IL13RA1: variants seen among roughly 807,000 people sequenced by gnomAD.
IL13RA1 encodes the protein interleukin 13 receptor subunit alpha 1.
Under a neutral mutation model 33.8 loss-of-function variants are expected in IL13RA1, and 14 were observed. The ratio of observed to expected loss-of-function variants is 0.41; its 90% CI spans 0.27 to 0.65. The LOEUF is 0.65. IL13RA1 is among the 30% of genes least tolerant of loss of function. The pLI is 0.28. For synonymous variants in IL13RA1, 116 were observed against 115.7 expected (o/e 1.00, Z -0.02); for missense variants, 313 against 327.0 (o/e 0.96, Z 0.33).
At chrX:118,798,639 T>TC (rs2018045328), downstream of IL13RA1, among the ~76,000 whole-genome samples, 1 of 112,427 alleles carries the variant, frequency 8.9e-6, no homozygotes, top group Non-Finnish European at 1.9e-5. Flanking sequence ...TTCCCAGTTG[T>TC]CCCCCTTCTT....
chrX:118,799,367 G>A (rs746573112), downstream of IL13RA1, among the ~76,000 whole-genome samples: 181 of 113,395 alleles, frequency 1.6e-3, no homozygotes, highest in African/African-American at 5.6e-3. Flanking sequence ...CTGGCAGGCA[G>A]CTCCACCTGC....
chrX:118,745,170 T>C (rs1393855940), intron 2 of IL13RA1, among the ~76,000 whole-genome samples: 2 of 112,019 alleles, frequency 1.8e-5, no homozygotes, highest in Non-Finnish European at 3.8e-5. Flanking sequence ...TGAAGCATTC[T>C]AGGAAGATTT....
At chrX:118,763,587 C>T (rs969636999) in intron 6 of IL13RA1, among the ~76,000 whole-genome samples, 1 of 112,170 alleles carries the variant, frequency 8.9e-6, no homozygotes, top group African/African-American at 3.2e-5. Context: ...CTTCTATGTG[C>T]TTCTTAATAC....
At position 118,773,698 on chromosome X, in the gene IL13RA1, G is replaced by A. The variant is rs985084319; in HGVS notation, c.1010-181G>A. 2.1e-4 allele frequency among the ~76,000 whole-genome samples: 19 copies of A among 90,595 alleles called. 1 individual carries two copies. The Admixed American group carries it at 2.6e-3, about 12-fold the overall frequency. 78.7% of individuals were successfully genotyped at this position (90,595 alleles called of 115,157 possible). A position where few individuals can be genotyped will look rare whatever the true frequency, so the allele number is the denominator to read the frequency against. On this transcript the variant is annotated intron_variant, in intron 8 of 10. Transcript: ENST00000371666. The stretch of plus-strand genomic sequence containing the variant: ...CTAGGGAAGTTCAGGCACCAGAGGA[G>A]GACTTTTTTTTTTTAAACTATTAAT...
At chrX:118,756,003 C>A (rs1371729513) in intron 4 of IL13RA1, among the ~76,000 whole-genome samples, 2 of 110,763 alleles carry the variant, frequency 1.8e-5, no homozygotes, top group Non-Finnish European at 3.8e-5. Flanking sequence ...AATACATTAG[C>A]TCTGAGTTTT....
At chrX:118,779,142 CTTG>C (rs2017815338) in intron 10 of IL13RA1, among the ~76,000 whole-genome samples, 1 of 111,793 alleles carries the variant, frequency 8.9e-6, no homozygotes, top group Non-Finnish European at 1.9e-5. Context: ...ATTGGCATGT[CTTG>C]TATATATTAA....
rs775408127 is a variant in IL13RA1, at chrX:118,794,021, C to A, written c.*2167C>A. The A allele has an allele frequency of 5.4e-5, 6 of 111,053 alleles. No homozygotes were observed. The East Asian group carries it at 1.1e-3, about 21-fold the overall frequency. The allele number at this position is 111,053 out of a possible 1,213,427, so 9.2% of individuals were successfully genotyped here. ...TTCTGGGAAGCAAAACCCATGCCTC[C>A]CCCTAGCCATTTTTACTGTTATCCT... is the stretch of plus-strand genomic sequence containing the variant. On this transcript the variant is annotated 3_prime_UTR_variant, in exon 11 of 11. Coordinates refer to ENST00000371666, the MANE Select transcript of IL13RA1 (RefSeq NM_001560.3).
chrX:118,777,777 A>C, intron 10 of IL13RA1, among the ~76,000 whole-genome samples: 1 of 112,073 alleles, frequency 8.9e-6, no homozygotes, highest in South Asian at 3.7e-4. Flanking sequence ...TGAGGCTTCT[A>C]ACTTTAGTTG....
chrX:118,757,186 A>G (rs1053060716), intron 4 of IL13RA1, among the ~76,000 whole-genome samples: 19 of 111,649 alleles, frequency 1.7e-4, no homozygotes, highest in African/African-American at 6.2e-4. Context: ...TACAGAAGAA[A>G]TAGGCCTCCT....
At position 118,760,224 on chromosome X, in the gene IL13RA1, A is replaced by G. The variant is rs1199138088; in HGVS notation, c.677-914A>G. Among the ~76,000 whole-genome samples, 3 of 111,956 alleles carry G rather than the reference A, an allele frequency of 2.7e-5. No individual in the cohort carries two copies. In the South Asian group the frequency reaches 1.1e-3, roughly 41 times the overall value. ...TTTCCCCTCCCCTCCGCCCTTAGCAACCACCTTTCTACTTTCTGTTTCTAT... is the reference window on the plus strand; with the variant it reads ...TTTCCCCTCCCCTCCGCCCTTAGCAGCCACCTTTCTACTTTCTGTTTCTAT... On this transcript the variant is annotated intron_variant, in intron 5 of 10. Transcript: ENST00000371666.
At chrX:118,746,500 T>G (rs1190089338) in intron 2 of IL13RA1, among the ~76,000 whole-genome samples, 5 of 111,943 alleles carry the variant, frequency 4.5e-5, no homozygotes, top group Non-Finnish European at 9.4e-5. Context: ...TTGATAATCA[T>G]ATTGTTTCCT....
chrX:118,732,577 C>T (rs909166492), intron 1 of IL13RA1, among the ~76,000 whole-genome samples: 64 of 107,813 alleles, frequency 5.9e-4, no homozygotes, highest in African/African-American at 1.9e-3. Flanking sequence ...CAACAGGCCC[C>T]GGTGTGTGAT....
Position 118,761,275 on chromosome X carries a change from CAT to C in IL13RA1, c.816_817del (p.His272GlnfsTer9), listed in dbSNP as rs757469339. On this transcript the variant is annotated frameshift_variant, in exon 6 of 11. Coordinates refer to ENST00000371666, the MANE Select transcript of IL13RA1 (RefSeq NM_001560.3). LOFTEE classifies it high-confidence loss of function. ...AGTCAATAACAGCCAAACTGAGACACATAATGTTTTCTACGTAAGGTTTTAAA... is the reference window on the plus strand; with the variant it reads ...AGTCAATAACAGCCAAACTGAGACACAATGTTTTCTACGTAAGGTTTTAAA... ...VEVNNSQTET[H>X]NVFYVQEAKC... 5 of 1,023,591 alleles carry C rather than the reference CAT, an allele frequency of 4.9e-6. No homozygotes were observed. The highest frequency in any genetic ancestry group is 5.3e-6 in the Non-Finnish European group (4 of 751,231). The allele number at this position is 1,023,591 out of a possible 1,213,427, so 84.4% of individuals were successfully genotyped here. A position where few individuals can be genotyped will look rare whatever the true frequency, so the allele number is the denominator to read the frequency against.
the IL13RA1 span, among the ~76,000 whole-genome samples, chrX:118,801,956 C>CT: frequency 9.0e-6 from 1 of 111,550 alleles, no homozygotes; most frequent in Non-Finnish European, 1.9e-5. Context: ...TATTTTTTTT[C>CT]TTTTTTCTTT....
chrX:118,738,371 C>T (rs1278554663), intron 1 of IL13RA1, among the ~76,000 whole-genome samples: 1 of 111,623 alleles, frequency 9.0e-6, no homozygotes, highest in Non-Finnish European at 1.9e-5. Flanking sequence ...AAACCCACCT[C>T]CCTCCCTCCC....
chrX:118,804,608 T>C, the IL13RA1 span, among the ~76,000 whole-genome samples: 1 of 112,249 alleles, frequency 8.9e-6, no homozygotes, highest in African/African-American at 3.2e-5. Context: ...GGGGCAATCC[T>C]TTTCTGATAT....
Position 118,784,140 on chromosome X carries a change from T to TAC in IL13RA1, c.1192-7621_1192-7620insCA, listed in dbSNP as rs1489443881. Among the ~76,000 whole-genome samples, 307 of 93,346 alleles carry TAC rather than the reference T, an allele frequency of 3.3e-3. 32 individuals are homozygous for TAC. Among genetic ancestry groups the TAC allele is most frequent in the African/African-American group, 9.2e-3 (231 of 24,979 alleles). 81.1% of individuals were successfully genotyped at this position (93,346 alleles called of 115,157 possible). On this transcript the variant is annotated intron_variant, in intron 10 of 10. Transcript: ENST00000371666. Reference sequence around the variant, plus strand: ...ATATGTATATATATGTATATATATATATATATACGTATATACACATATATA... The same window carrying TAC: ...ATATGTATATATATGTATATATATATACATATATACGTATATACACATATATA...
the IL13RA1 span, among the ~76,000 whole-genome samples, chrX:118,803,993 G>C: frequency 7.8e-5 from 5 of 64,272 alleles, no homozygotes; most frequent in African/African-American, 2.4e-4. Flanking sequence ...TTTTGCTCTT[G>C]TTGCCCAGGC....
chrX:118,794,463 C>T lies in IL13RA1; in HGVS notation c.*2609C>T, dbSNP rs1434048597. The T allele has an allele frequency of 2.7e-5, 3 of 112,381 alleles. No homozygotes were observed. The highest frequency in any genetic ancestry group is 9.7e-5 in the African/African-American group (3 of 30,811). 9.3% of individuals were successfully genotyped at this position (112,381 alleles called of 1,213,427 possible). On this transcript the variant is annotated 3_prime_UTR_variant, in exon 11 of 11. Transcript: ENST00000371666. ...TGTTAACATTTTTGGTAGTCTTCAACCAGGGATTGTTTCTGTTTAACTTCT... is the reference window on the plus strand; with the variant it reads ...TGTTAACATTTTTGGTAGTCTTCAATCAGGGATTGTTTCTGTTTAACTTCT...
Sources: gnomAD v4.1 joint callset for allele counts (sites outside exome capture counted in the v4.1 genomes callset) on GRCh38, gnomAD v4.1.1 for gene constraint, MANE v1.5 for transcripts, NCBI Gene and HGNC (gene_info 2026-07-23, HGNC 2026-07-21) for gene names.